The following ERBB4 variants were observed in gnomAD, a reference collection of about 807,000 sequenced individuals.
The protein encoded by ERBB4 is receptor tyrosine-protein kinase erbB-4.
A neutral mutation model predicts 158.0 loss-of-function variants in ERBB4; 42 were observed. That is an observed-to-expected ratio of 0.27 (90% confidence interval 0.21 to 0.34). ERBB4 has a LOEUF of 0.34. ERBB4 is among the 10% of genes least tolerant of loss of function. ERBB4 has a pLI of 1.00. For missense variants in ERBB4, 1,333 were observed against 1,624.1 expected, an observed-to-expected ratio of 0.82 and a Z score of 3.08; for synonymous variants, 583 against 558.7, an observed-to-expected ratio of 1.04 and a Z score of -0.61.
intron 4 of ERBB4, among the ~76,000 whole-genome samples, chr2:211,779,960 CAGA>C (rs1443442321): frequency 2.0e-5 from 3 of 152,238 alleles, no homozygotes; most frequent in South Asian, 4.1e-4. Context: ...TCTCCTATTA[CAGA>C]AGAAGTACTC....
chr2:211,830,791 C>T (rs1381659825), intron 3 of ERBB4, among the ~76,000 whole-genome samples: 2 of 151,986 alleles, frequency 1.3e-5, no homozygotes, highest in Non-Finnish European at 1.5e-5. Flanking sequence ...AATGAGATTA[C>T]ATTTCATCTA....
chr2:212,074,604 T>C (rs1262655633), intron 2 of ERBB4, among the ~76,000 whole-genome samples: 1 of 151,988 alleles, frequency 6.6e-6, no homozygotes, highest in Non-Finnish European at 1.5e-5. Context: ...TAGTGAATGT[T>C]GCCAGCAACC....
At chr2:211,950,634 T>C (rs1328551217) in intron 2 of ERBB4, among the ~76,000 whole-genome samples, 3 of 152,086 alleles carry the variant, frequency 2.0e-5, no homozygotes, top group East Asian at 1.9e-4. Context: ...AGAATCCTAA[T>C]GGAGCAAAAG....
At chr2:211,614,699 G>A (rs1181126717) in intron 19 of ERBB4, among the ~76,000 whole-genome samples, 1 of 151,960 alleles carries the variant, frequency 6.6e-6, no homozygotes, top group Non-Finnish European at 1.5e-5. Context: ...TTATAAGCCT[G>A]TTATACTCTA....
intron 1 of ERBB4, among the ~76,000 whole-genome samples, chr2:212,508,570 T>G (rs978766928): frequency 1.3e-5 from 2 of 151,722 alleles, no homozygotes; most frequent in Non-Finnish European, 2.9e-5. Flanking sequence ...TATGAAAAAC[T>G]TATATAAGAA....
chr2:212,108,335 C>T (rs991265186), intron 2 of ERBB4, among the ~76,000 whole-genome samples: 9 of 152,124 alleles, frequency 5.9e-5, no homozygotes, highest in African/African-American at 1.9e-4. Context: ...CAACTAACTT[C>T]CATCAAGATA....
At chr2:211,837,685 T>G (rs540361207) in intron 3 of ERBB4, among the ~76,000 whole-genome samples, 1 of 152,154 alleles carries the variant, frequency 6.6e-6, no homozygotes, top group African/African-American at 2.4e-5. Context: ...TCTTTAAAAA[T>G]GAAATACTAA....
At chr2:211,839,187 G>A (rs1212626323) in intron 3 of ERBB4, among the ~76,000 whole-genome samples, 2 of 131,702 alleles carry the variant, frequency 1.5e-5, no homozygotes, top group Non-Finnish European at 3.2e-5. Context: ...AGGAGGAGGA[G>A]GAGGAGGGAA....
chr2:212,004,253 C>T (rs1325000316), intron 2 of ERBB4, among the ~76,000 whole-genome samples: 1 of 152,086 alleles, frequency 6.6e-6, no homozygotes, highest in South Asian at 2.1e-4. Flanking sequence ...ATCTTTCAGG[C>T]AGTATTTTGA....
intron 2 of ERBB4, among the ~76,000 whole-genome samples, chr2:212,009,827 T>A (rs533647447): frequency 6.7e-4 from 102 of 152,310 alleles, no homozygotes; most frequent in Non-Finnish European, 1.2e-3. Flanking sequence ...TGCTTCTAAA[T>A]GTCCCGGACA....
chr2:212,177,727 AATCAT>A (rs764337622), intron 1 of ERBB4, among the ~76,000 whole-genome samples: 8 of 151,918 alleles, frequency 5.3e-5, no homozygotes, highest in Non-Finnish European at 1.0e-4. Context: ...GTTGTGAGCA[AATCAT>A]ATCATATGTT....
intron 1 of ERBB4, among the ~76,000 whole-genome samples, chr2:212,530,621 T>C (rs999248880): frequency 2.0e-5 from 3 of 152,154 alleles, no homozygotes; most frequent in African/African-American, 7.2e-5. Context: ...GCCTGGAGAA[T>C]CTGTTGTCAA....
At chr2:212,414,495 C>T (rs1351130581) in intron 1 of ERBB4, among the ~76,000 whole-genome samples, 2 of 152,136 alleles carry the variant, frequency 1.3e-5, no homozygotes, top group Non-Finnish European at 2.9e-5. Flanking sequence ...CTTTATATGG[C>T]TCTGAACTGT....
At chr2:211,944,015 T>C (rs184252574) in intron 3 of ERBB4, among the ~76,000 whole-genome samples, 27 of 150,238 alleles carry the variant, frequency 1.8e-4, no homozygotes, top group African/African-American at 6.1e-4. Flanking sequence ...ACTATTCTAA[T>C]ATCAAACAGT....
intron 3 of ERBB4, among the ~76,000 whole-genome samples, chr2:211,820,470 C>A (rs1036754475): frequency 2.2e-4 from 33 of 151,902 alleles, no homozygotes; most frequent in African/African-American, 7.2e-4. Flanking sequence ...AAGTCTAAGA[C>A]CAATGGCCTC....
intron 1 of ERBB4, among the ~76,000 whole-genome samples, chr2:212,411,019 T>C (rs2091482079): frequency 6.7e-6 from 1 of 149,898 alleles, no homozygotes; most frequent in Non-Finnish European, 1.5e-5. Flanking sequence ...AATTAAAACA[T>C]TTCAGTCTTA....
intron 1 of ERBB4, among the ~76,000 whole-genome samples, chr2:212,484,248 C>T (rs892599239): frequency 3.3e-5 from 5 of 152,146 alleles, no homozygotes; most frequent in Admixed American, 2.6e-4. Flanking sequence ...AATAATAGAA[C>T]GTAATCTAAA....
chr2:211,745,237 C>T (rs2074929914), intron 5 of ERBB4, among the ~76,000 whole-genome samples: 1 of 152,128 alleles, frequency 6.6e-6, no homozygotes, highest in Non-Finnish European at 1.5e-5. Flanking sequence ...CTGGAGGTCT[C>T]ATATTGTTAT....
At chr2:212,074,504 G>A (rs1187924752) in intron 2 of ERBB4, among the ~76,000 whole-genome samples, 1 of 151,808 alleles carries the variant, frequency 6.6e-6, no homozygotes, top group African/African-American at 2.4e-5. Flanking sequence ...AAGAGGTTTT[G>A]GTTATTATTT....
Sources: allele counts gnomAD v4.1 joint callset (sites outside exome capture counted in the v4.1 genomes callset), GRCh38; gene constraint gnomAD v4.1.1; transcripts MANE v1.5; gene names NCBI Gene and HGNC (gene_info 2026-07-23, HGNC 2026-07-21).